The following TBC1D19 variants were observed in gnomAD, a reference collection of about 807,000 sequenced individuals.
TBC1D19 encodes the protein TBC1 domain family, member 19.
A neutral mutation model predicts 89.0 loss-of-function variants in TBC1D19; 60 were observed. The ratio of observed to expected loss-of-function variants is 0.67; its 90% confidence interval spans 0.55 to 0.84. The LOEUF (loss-of-function observed/expected upper bound fraction) is 0.84. TBC1D19 is among the 40% of genes least tolerant of loss of function. The pLI, the probability that TBC1D19 is intolerant of heterozygous loss-of-function variation, is 0.00. For synonymous variants in TBC1D19, 189 were observed against 199.7 expected (o/e 0.95, Z 0.45); for missense variants, 500 against 610.8 (o/e 0.82, Z 1.91).
the TBC1D19 span, among the ~76,000 whole-genome samples, chr4:26,851,323 A>ATCTATCTG: frequency 7.1e-5 from 10 of 141,390 alleles, no homozygotes; most frequent in South Asian, 4.3e-4. Flanking sequence ...CTATCTATCT[A>ATCTATCTG]TCTATCTATC....
the TBC1D19 span, among the ~76,000 whole-genome samples, chr4:26,834,521 T>C: frequency 6.6e-6 from 1 of 151,814 alleles, no homozygotes; most frequent in South Asian, 2.1e-4. Context: ...TAAAAGACAA[T>C]CGTCAATCTG....
chr4:26,713,076 G>A (rs1716309802), intron 13 of TBC1D19, among the ~76,000 whole-genome samples: 1 of 151,904 alleles, frequency 6.6e-6, no homozygotes, highest in Admixed American at 6.6e-5. Context: ...TATAAATTTA[G>A]AATTTTTAGA....
intron 1 of TBC1D19, among the ~76,000 whole-genome samples, chr4:26,590,796 G>GTTTATTTTTTTT (rs1739722647): frequency 1.9e-5 from 1 of 52,958 alleles, no homozygotes; most frequent in Non-Finnish European, 3.1e-5. Flanking sequence ...TTGCAGGTCT[G>GTTTATTTTTTTT]TTTTTTTTTT....
chr4:26,746,465 AT>A (rs1282720196), intron 18 of TBC1D19, among the ~76,000 whole-genome samples: 2 of 151,516 alleles, frequency 1.3e-5, no homozygotes, highest in Non-Finnish European at 2.9e-5. Context: ...CATCATTCTC[AT>A]TTTACTATTG....
At chr4:26,617,063 C>A (rs1741742898) in intron 3 of TBC1D19, among the ~76,000 whole-genome samples, 1 of 152,118 alleles carries the variant, frequency 6.6e-6, no homozygotes, top group Non-Finnish European at 1.5e-5. Flanking sequence ...TAACAGAATA[C>A]CTGAGATTGG....
At chr4:26,821,954 T>C in the TBC1D19 span, among the ~76,000 whole-genome samples, 1 of 152,256 alleles carries the variant, frequency 6.6e-6, no homozygotes, top group African/African-American at 2.4e-5. Flanking sequence ...GGCAGAATTC[T>C]GTTGACTCAT....
At chr4:26,710,466 A>G (rs1716096934) in intron 13 of TBC1D19, among the ~76,000 whole-genome samples, 1 of 152,116 alleles carries the variant, frequency 6.6e-6, no homozygotes, top group South Asian at 2.1e-4. Context: ...AGTCTTTGCT[A>G]TTGTGTATAA....
At chr4:26,684,772 G>A (rs769787975) in intron 12 of TBC1D19, among the ~76,000 whole-genome samples, 13 of 152,142 alleles carry the variant, frequency 8.5e-5, no homozygotes, top group Non-Finnish European at 1.9e-4. Context: ...CTGAAAATGT[G>A]TCTGAGTAGA....
the TBC1D19 span, among the ~76,000 whole-genome samples, chr4:26,850,539 T>C: frequency 1.4e-4 from 2 of 14,562 alleles, no homozygotes; most frequent in African/African-American, 5.9e-4. Flanking sequence ...AGACCCTGTC[T>C]CAAAAAAAAA....
intron 11 of TBC1D19, among the ~76,000 whole-genome samples, chr4:26,681,003 A>G (rs1447208699): frequency 1.3e-5 from 2 of 152,232 alleles, no homozygotes; most frequent in Admixed American, 6.5e-5. Context: ...AAAAATAGGT[A>G]TATGTTATGA....
chr4:26,793,836 T>G, the TBC1D19 span, among the ~76,000 whole-genome samples: 1 of 152,230 alleles, frequency 6.6e-6, no homozygotes, highest in Non-Finnish European at 1.5e-5. Context: ...AGATAGCCTC[T>G]GACAGTTCCG....
At chr4:26,676,713 T>A in intron 11 of TBC1D19, among the ~76,000 whole-genome samples, 1 of 146,854 alleles carries the variant, frequency 6.8e-6, no homozygotes, top group Non-Finnish European at 1.5e-5. Context: ...GGCAAGACTG[T>A]CTCAAAAAAA....
At chr4:26,685,071 T>C (rs1560470636) in intron 12 of TBC1D19, among the ~76,000 whole-genome samples, 1 of 152,312 alleles carries the variant, frequency 6.6e-6, no homozygotes, top group South Asian at 2.1e-4. Context: ...AAAGCAATCA[T>C]TGGTGGCCTG....
chr4:26,825,278 T>TA, the TBC1D19 span, among the ~76,000 whole-genome samples: 1 of 152,064 alleles, frequency 6.6e-6, no homozygotes, highest in African/African-American at 2.4e-5. Flanking sequence ...TTTGTATCTT[T>TA]AGTAGAGATG....
chr4:26,816,139 A>G, the TBC1D19 span, among the ~76,000 whole-genome samples: 1 of 152,320 alleles, frequency 6.6e-6, no homozygotes, highest in East Asian at 1.9e-4. Flanking sequence ...CACAGACACT[A>G]GGTAAGGAGA....
intron 5 of TBC1D19, among the ~76,000 whole-genome samples, chr4:26,637,879 A>G (rs1453503210): frequency 6.6e-6 from 1 of 152,216 alleles, no homozygotes; most frequent in East Asian, 1.9e-4. Context: ...AATATGCTTT[A>G]AAGATTTTAA....
At chr4:26,654,891 A>G (rs1214559460) in intron 7 of TBC1D19, among the ~76,000 whole-genome samples, 1 of 152,096 alleles carries the variant, frequency 6.6e-6, no homozygotes, top group African/African-American at 2.4e-5. Flanking sequence ...TTCATTCTCC[A>G]TCCAGCTTTT....
chr4:26,653,526 C>G (rs1397292331), intron 7 of TBC1D19, among the ~76,000 whole-genome samples: 1 of 152,090 alleles, frequency 6.6e-6, no homozygotes, highest in Non-Finnish European at 1.5e-5. Flanking sequence ...TTTTAGGTGT[C>G]TCAGGACTTG....
intron 1 of TBC1D19, among the ~76,000 whole-genome samples, chr4:26,593,113 C>A (rs1397087269): frequency 5.3e-5 from 8 of 152,154 alleles, no homozygotes; most frequent in South Asian, 4.1e-4. Context: ...AGTAACCAAA[C>A]CAGCATGGTA....
Sources: allele counts gnomAD v4.1 joint callset (sites outside exome capture counted in the v4.1 genomes callset), GRCh38; gene constraint gnomAD v4.1.1; transcripts MANE v1.5; gene names NCBI Gene and HGNC (gene_info 2026-07-23, HGNC 2026-07-21).